Variants in PAX7 observed in about 807,000 individuals in gnomAD.
The protein encoded by PAX7 is paired box protein Pax-7.
In PAX7, 18 loss-of-function variants were observed where a neutral mutation model predicts 50.7. That is an observed-to-expected ratio of 0.36 (90% CI 0.25 to 0.53). PAX7 has a LOEUF of 0.53. PAX7 is among the 20% of genes least tolerant of loss of function. The pLI is 0.93. For synonymous variants in PAX7, 310 were observed against 290.4 expected (o/e 1.07, Z -0.69); for missense variants, 644 against 702.9 (o/e 0.92, Z 0.95).
At chr1:18,647,654 A>G (rs1168036707) in intron 4 of PAX7, among the ~76,000 whole-genome samples, 1 of 152,162 alleles carries the variant, frequency 6.6e-6, no homozygotes, top group African/African-American at 2.4e-5. Context: ...AGGAAGCGTA[A>G]ATGCTATAAT....
At chr1:18,740,400 AG>A (rs1931068296) in intron 8 of PAX7, among the ~76,000 whole-genome samples, 1 of 152,184 alleles carries the variant, frequency 6.6e-6, no homozygotes, top group Non-Finnish European at 1.5e-5. Context: ...GAGTGGCCAG[AG>A]GCACAAGCAG....
chr1:18,709,514 C>A (rs1003795289), intron 7 of PAX7, among the ~76,000 whole-genome samples: 2 of 152,230 alleles, frequency 1.3e-5, no homozygotes, highest in African/African-American at 4.8e-5. Context: ...CCGGTCCAGC[C>A]TGTGCCTTTA....
rs963718305 is a variant in PAX7, at chr1:18,631,207, C to A, written c.-397C>A. On this transcript the variant is annotated 5_prime_UTR_variant, in exon 1 of 9. Transcript: ENST00000420770. ...GCGGCGCTCGCCACTCTGAGGCTGG[C>A]GGCCTCGATTCCGGCCGCGTTCCCC... 3 of 244,704 alleles carry A rather than the reference C, an allele frequency of 1.2e-5. No homozygotes were observed. Among genetic ancestry groups the A allele is most frequent in the Non-Finnish European group, 2.4e-5 (3 of 126,014 alleles). The allele number at this position is 244,704 out of a possible 1,614,324, so 15.2% of individuals were successfully genotyped here.
rs560470014 is a variant in PAX7 at position 18,655,770 on chromosome 1, G to GGGGT, written c.586+19400_586+19401insGGTG. Among the ~76,000 whole-genome samples the GGGGT allele has an allele frequency of 5.1e-4, 73 of 143,670 alleles. 1 individual carries two copies. The highest frequency in any genetic ancestry group is 7.0e-3 in the Middle Eastern group (2 of 286). 94.3% of individuals were successfully genotyped at this position (143,670 alleles called of 152,430 possible). On this transcript the variant is annotated intron_variant, in intron 4 of 8. Transcript: ENST00000420770. The stretch of plus-strand genomic sequence containing the variant: ...AGAGCCACTGGGGAGACTTGGAGAG[G>GGGGT]GTGTGTGTGTGTGTGTGTGTGTGTG...
At chr1:18,637,124 G>C (rs528089198) in intron 4 of PAX7, among the ~76,000 whole-genome samples, 59 of 152,250 alleles carry the variant, frequency 3.9e-4, no homozygotes, top group African/African-American at 1.4e-3. Flanking sequence ...TGAGTCCTGC[G>C]CCATGCTTTT....
Position 18,736,197 on chromosome 1 carries a change from GC to G in PAX7, c.1402+320del, listed in dbSNP as rs1404651009. The G allele has an allele frequency of 1.0e-5, 6 of 579,316 alleles. No individual in the cohort carries two copies. In the African/African-American group the frequency reaches 1.1e-4, roughly 11 times the overall value. The allele number at this position is 579,316 out of a possible 1,614,324, so 35.9% of individuals were successfully genotyped here. A position where few individuals can be genotyped will look rare whatever the true frequency, so the allele number is the denominator to read the frequency against. On this transcript the variant is annotated intron_variant, in intron 8 of 8. Transcript: ENST00000420770. ...AAGAAGAAACAGGCCAGGCGTGGTG[GC>G]TCATGCCTGTAATCCCAGCACTTTG...
intron 4 of PAX7, among the ~76,000 whole-genome samples, chr1:18,655,084 T>C (rs1162223520): frequency 6.6e-6 from 1 of 152,356 alleles, no homozygotes; most frequent in African/African-American, 2.4e-5. Context: ...ATTTTAACTC[T>C]GCTATTTTGT....
At chr1:18,633,462 CG>C (rs986100043) in intron 1 of PAX7, among the ~76,000 whole-genome samples, 2 of 152,216 alleles carry the variant, frequency 1.3e-5, no homozygotes, top group South Asian at 4.1e-4. Flanking sequence ...CACCCCCACC[CG>C]GGGGGACTGT....
intron 7 of PAX7, among the ~76,000 whole-genome samples, chr1:18,714,749 G>A (rs987218464): frequency 7.9e-5 from 12 of 152,334 alleles, no homozygotes; most frequent in Admixed American, 5.2e-4. Flanking sequence ...CTGCGGGCAG[G>A]GCTGGCCCGC....
At chr1:18,639,471 C>T (rs1355857890) in intron 4 of PAX7, among the ~76,000 whole-genome samples, 3 of 151,866 alleles carry the variant, frequency 2.0e-5, no homozygotes, top group South Asian at 2.1e-4. Context: ...AGACCGTTGC[C>T]GATAGGTGCT....
At chr1:18,738,996 A>T (rs1049046497) in intron 8 of PAX7, among the ~76,000 whole-genome samples, 4 of 152,180 alleles carry the variant, frequency 2.6e-5, no homozygotes, top group Admixed American at 2.6e-4. Context: ...TGTGGCTGGG[A>T]TGCCCCAGTG....
chr1:18,717,767 C>A (rs2089445792), intron 7 of PAX7, among the ~76,000 whole-genome samples: 1 of 152,168 alleles, frequency 6.6e-6, no homozygotes, highest in South Asian at 2.1e-4. Flanking sequence ...ATTTTGTGCC[C>A]CATTCTGTGC....
chr1:18,708,848 T>A (rs1338242275), intron 7 of PAX7, among the ~76,000 whole-genome samples: 1 of 152,108 alleles, frequency 6.6e-6, no homozygotes, highest in Admixed American at 6.6e-5. Context: ...CTTAGTCTGA[T>A]GGTGGAAGCA....
intron 1 of PAX7, among the ~76,000 whole-genome samples, chr1:18,633,737 G>A (rs2088097949): frequency 6.6e-6 from 1 of 152,212 alleles, no homozygotes; most frequent in Admixed American, 6.5e-5. Flanking sequence ...CACGGCTCTA[G>A]CCAGAGCTGT....
intron 7 of PAX7, among the ~76,000 whole-genome samples, chr1:18,711,932 G>A (rs1444859715): frequency 1.3e-5 from 2 of 152,102 alleles, no homozygotes; most frequent in Admixed American, 1.3e-4. Flanking sequence ...AGCTCCCAGA[G>A]ACTGCTCCCC....
At chr1:18,655,858 T>C (rs769088631) in intron 4 of PAX7, among the ~76,000 whole-genome samples, 1 of 151,666 alleles carries the variant, frequency 6.6e-6, no homozygotes, top group Non-Finnish European at 1.5e-5. Context: ...GAGACCCATC[T>C]CCTAGGCTTT....
At chr1:18,669,007 C>A (rs1373860072) in intron 4 of PAX7, among the ~76,000 whole-genome samples, 4 of 152,236 alleles carry the variant, frequency 2.6e-5, no homozygotes, top group African/African-American at 9.6e-5. Flanking sequence ...CCAGGCCTGG[C>A]TTCCTCAAGT....
Position 18,646,835 on chromosome 1 carries a change from AC to A in PAX7, c.586+10465del, listed in dbSNP as rs200260096. The stretch of plus-strand genomic sequence containing the variant: ...GGCCCCTCAGGAGGCTGATTAGGCC[AC>A]AAAGAGCCCCCATTATCCCGAGAAG... On this transcript the variant is annotated intron_variant, in intron 4 of 8. Coordinates refer to ENST00000420770, the MANE Select transcript of PAX7 (RefSeq NM_001135254.2). 8.6e-4 allele frequency among the ~76,000 whole-genome samples: 130 copies of A among 151,504 alleles called. 5 individuals carry two copies. In the East Asian group the frequency reaches 0.024, roughly 28 times the overall value.
intron 4 of PAX7, among the ~76,000 whole-genome samples, chr1:18,675,565 G>A (rs57823490): frequency 0.076 from 11,494 of 152,090 alleles, 557 homozygotes; most frequent in East Asian, 0.13. Flanking sequence ...ATCAGATACA[G>A]CCCAGGACCC....
Sources: gnomAD v4.1 joint callset for allele counts (sites outside exome capture counted in the v4.1 genomes callset) on GRCh38, gnomAD v4.1.1 for gene constraint, MANE v1.5 for transcripts, NCBI Gene and HGNC (gene_info 2026-07-23, HGNC 2026-07-21) for gene names.